The following ANO3 variants were observed in gnomAD, a reference collection of about 807,000 sequenced individuals.
The protein encoded by ANO3 is anoctamin 3, also known as anoctamin-3.
ANO3 carries 99 observed loss-of-function variants against 144.8 expected under a neutral mutation model. That is an observed-to-expected ratio of 0.68 (90% CI 0.58 to 0.81). The LOEUF (loss-of-function observed/expected upper bound fraction) is 0.81. ANO3 is among the 30% of genes least tolerant of loss of function. The pLI, the probability that ANO3 is intolerant of heterozygous loss-of-function variation, is 0.00. For missense variants in ANO3, 905 were observed against 1,202.2 expected (o/e 0.75, Z 3.66); for synonymous variants, 414 against 392.6 (o/e 1.05, Z -0.64).
At chr11:26,558,361 T>C (rs1368080085) in intron 13 of ANO3, among the ~76,000 whole-genome samples, 1 of 152,030 alleles carries the variant, frequency 6.6e-6, no homozygotes, top group Non-Finnish European at 1.5e-5. Context: ...ATGATGTTGG[T>C]TTACAAAGGA....
At chr11:26,603,558 G>A (rs1339024175) in intron 17 of ANO3, among the ~76,000 whole-genome samples, 1 of 151,910 alleles carries the variant, frequency 6.6e-6, no homozygotes, top group Non-Finnish European at 1.5e-5. Flanking sequence ...TCTATGTAAG[G>A]TAGTATCATA....
intron 1 of ANO3, among the ~76,000 whole-genome samples, chr11:26,272,715 G>T (rs1307916688): frequency 6.6e-6 from 1 of 152,112 alleles, no homozygotes; most frequent in Non-Finnish European, 1.5e-5. Context: ...AATAATTGAG[G>T]AGAAAGGATA....
intron 1 of ANO3, among the ~76,000 whole-genome samples, chr11:26,395,986 T>A (rs1447130093): frequency 6.6e-6 from 1 of 152,150 alleles, no homozygotes; most frequent in African/African-American, 2.4e-5. Context: ...CAAAAGAAGC[T>A]ATCATCAGAA....
chr11:26,573,908 A>T (rs1850920061), intron 14 of ANO3, among the ~76,000 whole-genome samples: 2 of 152,212 alleles, frequency 1.3e-5, no homozygotes, highest in South Asian at 4.1e-4. Context: ...TTGTTATCAG[A>T]AACCTTTGTT....
At chr11:26,218,594 G>T (rs1458431179) in intron 1 of ANO3, among the ~76,000 whole-genome samples, 1 of 152,034 alleles carries the variant, frequency 6.6e-6, no homozygotes, top group South Asian at 2.1e-4. Context: ...ATTAGCATTT[G>T]CCAAAGAGCT....
intron 1 of ANO3, among the ~76,000 whole-genome samples, chr11:26,377,936 A>ACAAGCCATCT: frequency 6.6e-6 from 1 of 152,260 alleles, no homozygotes; most frequent in Non-Finnish European, 1.5e-5. Context: ...GCCATCTTTA[A>ACAAGCCATCT]TGTGAAAGGA....
chr11:26,448,116 A>G (rs952715031), intron 3 of ANO3, among the ~76,000 whole-genome samples: 1 of 152,072 alleles, frequency 6.6e-6, no homozygotes, highest in Non-Finnish European at 1.5e-5. Context: ...CCTGACCAAC[A>G]TGGAGAAACC....
chr11:26,230,797 C>CAAAAAAAAAAAAAAA (rs1168180646), intron 1 of ANO3, among the ~76,000 whole-genome samples: 2 of 11,330 alleles, frequency 1.8e-4, no homozygotes, highest in Non-Finnish European at 4.9e-4. Flanking sequence ...ACTCCATCTC[C>CAAAAAAAAAAAAAAA]AAAAAAAAAA....
chr11:26,513,081 G>T (rs1861728367), intron 5 of ANO3, among the ~76,000 whole-genome samples: 1 of 152,128 alleles, frequency 6.6e-6, no homozygotes, highest in Admixed American at 6.5e-5. Flanking sequence ...AAAAGAGAGG[G>T]TATAAGAAAG....
chr11:26,258,491 G>A (rs1853110045), intron 1 of ANO3, among the ~76,000 whole-genome samples: 1 of 152,148 alleles, frequency 6.6e-6, no homozygotes, highest in African/African-American at 2.4e-5. Context: ...TAAGAATCTT[G>A]AGGTCTAACT....
intron 1 of ANO3, among the ~76,000 whole-genome samples, chr11:26,197,600 C>T (rs1851615538): frequency 6.6e-6 from 1 of 152,068 alleles, no homozygotes; most frequent in African/African-American, 2.4e-5. Context: ...ATCCTCCCGC[C>T]TCGGCCTCCC....
In ANO3 at chr11:26,547,649, A is replaced by G. The variant is rs1040884906; in HGVS notation, c.1289+99A>G. 8.0e-6 allele frequency: 9 copies of G among 1,123,658 alleles called. No homozygotes were observed. The African/African-American group carries it at 1.4e-4, about 18-fold the overall frequency. 69.6% of individuals were successfully genotyped at this position (1,123,658 alleles called of 1,614,324 possible). On this transcript the variant is annotated intron_variant, in intron 12 of 26. Coordinates refer to ENST00000256737, the MANE Select transcript of ANO3 (RefSeq NM_031418.4). ...ACTATAAAAAATCAAATGGTTGATGATACTACAATTTAATTTATTTGCTAT... is the reference window on the plus strand; with the variant it reads ...ACTATAAAAAATCAAATGGTTGATGGTACTACAATTTAATTTATTTGCTAT...
chr11:26,573,093 A>G (rs1181676907), intron 14 of ANO3, among the ~76,000 whole-genome samples: 1 of 152,184 alleles, frequency 6.6e-6, no homozygotes, highest in Non-Finnish European at 1.5e-5. Context: ...CGTTCAGCTC[A>G]ATATGCCTGA....
chr11:26,232,999 C>T lies in ANO3; in HGVS notation c.154+43669C>T, dbSNP rs554004023. ...TTGGGAGGCCGAGGCAGGCGGATCA[C>T]GAGGTCAGGAGATCGAGACATCCTG... On this transcript the variant is annotated intron_variant, in intron 1 of 27. Coordinates refer to the ANO3 transcript ENST00000672621. Among the ~76,000 whole-genome samples, 510 of 152,124 alleles carry T rather than the reference C, an allele frequency of 3.4e-3. 2 individuals are homozygous for T. Among genetic ancestry groups the T allele is most frequent in the Non-Finnish European group, 4.9e-3 (335 of 68,004 alleles).
intron 3 of ANO3, among the ~76,000 whole-genome samples, chr11:26,444,998 T>C (rs1485676063): frequency 1.3e-5 from 2 of 152,178 alleles, no homozygotes; most frequent in Admixed American, 1.3e-4. Context: ...ATTCTGAAGA[T>C]TACTACAAGC....
rs150558679 is a variant in ANO3 at position 26,338,873 on chromosome 11, T to G, written c.46+6552T>G. Among the ~76,000 whole-genome samples the G allele has an allele frequency of 2.2e-4, 34 of 152,270 alleles. 1 individual carries two copies. In the East Asian group the frequency reaches 6.4e-3, roughly 29 times the overall value. On this transcript the variant is annotated intron_variant, in intron 1 of 26. Coordinates refer to ENST00000256737, the MANE Select transcript of ANO3 (RefSeq NM_031418.4). The stretch of plus-strand genomic sequence containing the variant: ...CTCCCGACACACCATCTTTAAGAGC[T>G]GTAACACTCACCGCGAGGGTCCGCG...
intron 3 of ANO3, chr11:26,459,970 C>T (rs1258129075): frequency 1.0e-5 from 3 of 289,350 alleles, no homozygotes; most frequent in South Asian, 2.9e-5. Context: ...AATGCATTTC[C>T]AGTTGTGCTG....
chr11:26,197,474 G>A (rs1257280947), intron 1 of ANO3, among the ~76,000 whole-genome samples: 1 of 152,012 alleles, frequency 6.6e-6, no homozygotes, highest in Non-Finnish European at 1.5e-5. Flanking sequence ...TCAGCCTCCT[G>A]AGTAGCTGGG....
intron 14 of ANO3, among the ~76,000 whole-genome samples, chr11:26,591,603 G>A (rs531144535): frequency 6.6e-6 from 1 of 152,116 alleles, no homozygotes; most frequent in East Asian, 1.9e-4. Context: ...ATATTTCTGG[G>A]AAGCCACATT....
Sources: gnomAD v4.1 joint callset for allele counts (sites outside exome capture counted in the v4.1 genomes callset) on GRCh38, gnomAD v4.1.1 for gene constraint, MANE v1.5 for transcripts, NCBI Gene and HGNC (gene_info 2026-07-23, HGNC 2026-07-21) for gene names.